FSTL5: variants seen among roughly 807,000 people sequenced by gnomAD.
The protein encoded by FSTL5 is follistatin-related protein 5.
FSTL5 carries 62 observed loss-of-function variants against 89.1 expected under a neutral mutation model. The ratio of observed to expected loss-of-function variants is 0.70; its 90% CI spans 0.57 to 0.86. The LOEUF is 0.86. FSTL5 is among the 40% of genes least tolerant of loss of function. FSTL5 has a pLI of 0.00. For synonymous variants in FSTL5, 383 were observed against 346.2 expected (o/e 1.11, Z -1.18); for missense variants, 1,057 against 1,001.6 (o/e 1.06, Z -0.75).
At chr4:162,090,273 C>T (rs551070509) in intron 2 of FSTL5, among the ~76,000 whole-genome samples, 1 of 151,970 alleles carries the variant, frequency 6.6e-6, no homozygotes, top group East Asian at 1.9e-4. Flanking sequence ...TGTTTTTCTG[C>T]ACAGCAAAAG....
intron 3 of FSTL5, among the ~76,000 whole-genome samples, chr4:161,942,762 T>G (rs1734622977): frequency 6.6e-6 from 1 of 152,150 alleles, no homozygotes; most frequent in Non-Finnish European, 1.5e-5. Flanking sequence ...TCAATGTTTT[T>G]ACCTAAGACA....
At chr4:161,966,321 AG>A (rs2110996815) in intron 3 of FSTL5, among the ~76,000 whole-genome samples, 1 of 152,232 alleles carries the variant, frequency 6.6e-6, no homozygotes, top group African/African-American at 2.4e-5. Flanking sequence ...ATTCTTACTT[AG>A]TACAGCTAAC....
At chr4:161,608,328 G>C (rs1246285907) in intron 7 of FSTL5, among the ~76,000 whole-genome samples, 1 of 152,010 alleles carries the variant, frequency 6.6e-6, no homozygotes, top group Non-Finnish European at 1.5e-5. Flanking sequence ...TTTTATAATT[G>C]CTTCTAACAG....
At chr4:161,404,752 A>G (rs1020519984) in intron 15 of FSTL5, among the ~76,000 whole-genome samples, 1 of 152,098 alleles carries the variant, frequency 6.6e-6, no homozygotes, top group Non-Finnish European at 1.5e-5. Flanking sequence ...AAGAAGGGGA[A>G]AATTATTTCT....
intron 6 of FSTL5, among the ~76,000 whole-genome samples, chr4:161,748,747 C>T (rs551507258): frequency 3.5e-4 from 53 of 151,020 alleles, no homozygotes; most frequent in African/African-American, 1.3e-3. Flanking sequence ...ATTAGAAAAG[C>T]TATTTTTAAG....
chr4:162,111,770 T>C (rs1731453808), intron 1 of FSTL5, among the ~76,000 whole-genome samples: 1 of 152,118 alleles, frequency 6.6e-6, no homozygotes. Flanking sequence ...CAATTATTAA[T>C]ATATAAATAT....
At chr4:161,847,199 C>A (rs1243197386) in intron 4 of FSTL5, among the ~76,000 whole-genome samples, 2 of 151,910 alleles carry the variant, frequency 1.3e-5, no homozygotes, top group African/African-American at 2.4e-5. Flanking sequence ...TAAAATAAAT[C>A]CAAATGTCCC....
intron 6 of FSTL5, among the ~76,000 whole-genome samples, chr4:161,718,487 G>T (rs1229849402): frequency 4.0e-5 from 6 of 151,540 alleles, no homozygotes; most frequent in South Asian, 2.1e-4. Flanking sequence ...GGAGTGCAAC[G>T]GCGAGATCTC....
At chr4:161,582,712 G>A (rs1733477733) in intron 8 of FSTL5, among the ~76,000 whole-genome samples, 1 of 152,100 alleles carries the variant, frequency 6.6e-6, no homozygotes, top group Admixed American at 6.5e-5. Context: ...CAGAAACTTT[G>A]CAAATAAGGT....
At chr4:161,437,286 G>C (rs1266206090) in intron 15 of FSTL5, among the ~76,000 whole-genome samples, 1 of 152,050 alleles carries the variant, frequency 6.6e-6, no homozygotes, top group Admixed American at 6.6e-5. Flanking sequence ...AAAACAACGG[G>C]CAGGGCGCAG....
chr4:162,143,811 C>A (rs376357565), intron 1 of FSTL5, among the ~76,000 whole-genome samples: 82 of 98,338 alleles, frequency 8.3e-4, no homozygotes, highest in Middle Eastern at 5.4e-3. Context: ...CACACACACA[C>A]ACACACACAT....
chr4:161,943,301 T>C (rs1190452601), intron 3 of FSTL5, among the ~76,000 whole-genome samples: 1 of 151,866 alleles, frequency 6.6e-6, no homozygotes, highest in Non-Finnish European at 1.5e-5. Context: ...ATTTTGATAG[T>C]TTCAATGCTA....
chr4:162,021,907 A>G (rs1412485493), intron 3 of FSTL5, among the ~76,000 whole-genome samples: 1 of 152,026 alleles, frequency 6.6e-6, no homozygotes, highest in East Asian at 1.9e-4. Flanking sequence ...CCTGGCCAAT[A>G]TGGTGAAACC....
chr4:161,467,781 A>G lies in FSTL5; in HGVS notation c.1609-8462T>C, dbSNP rs151075618. On this transcript the variant is annotated intron_variant, in intron 13 of 15. Coordinates refer to ENST00000306100, the MANE Select transcript of FSTL5 (RefSeq NM_020116.5). ...AAGAGAGTTATGGAACTCATTATCT[A>G]AAGAGGCGCACAGGCTGAAATTATA... Among the ~76,000 whole-genome samples the G allele has an allele frequency of 4.0e-3, 602 of 152,266 alleles. 8 individuals are homozygous for G. In the South Asian group the frequency reaches 0.046, roughly 12 times the overall value.
chr4:161,557,883 A>G (rs1339659636), intron 8 of FSTL5, among the ~76,000 whole-genome samples: 1 of 151,838 alleles, frequency 6.6e-6, no homozygotes, highest in East Asian at 1.9e-4. Context: ...TATGTGTTAT[A>G]TGTGCTCATA....
intron 15 of FSTL5, among the ~76,000 whole-genome samples, chr4:161,445,905 T>G (rs1174601998): frequency 6.6e-6 from 1 of 151,970 alleles, no homozygotes; most frequent in Non-Finnish European, 1.5e-5. Flanking sequence ...CTAGAAAAAG[T>G]AAATGTGAAA....
chr4:161,812,514 A>AG (rs1252628804), intron 4 of FSTL5, among the ~76,000 whole-genome samples: 1 of 20,806 alleles, frequency 4.8e-5, no homozygotes, highest in East Asian at 2.0e-3. Context: ...TGTAGTTAAG[A>AG]AAAACACACA....
intron 4 of FSTL5, among the ~76,000 whole-genome samples, chr4:161,776,775 T>C (rs553521329): frequency 6.6e-6 from 1 of 152,042 alleles, no homozygotes; most frequent in Non-Finnish European, 1.5e-5. Context: ...ATGGGTTACA[T>C]GTGGTATTTT....
intron 7 of FSTL5, among the ~76,000 whole-genome samples, chr4:161,641,152 G>A (rs1735945066): frequency 6.6e-6 from 1 of 152,098 alleles, no homozygotes; most frequent in South Asian, 2.1e-4. Flanking sequence ...ATACCTAAGG[G>A]AGCTCTGCAG....
Sources: allele counts gnomAD v4.1 joint callset (sites outside exome capture counted in the v4.1 genomes callset), GRCh38; gene constraint gnomAD v4.1.1; transcripts MANE v1.5; gene names NCBI Gene and HGNC (gene_info 2026-07-23, HGNC 2026-07-21).